MEGF9: variants seen among roughly 807,000 people sequenced by gnomAD.
The protein encoded by MEGF9 is multiple EGF like domains 9.
MEGF9 carries 6 observed loss-of-function variants against 46.8 expected under a neutral mutation model. The observed-to-expected ratio is 0.13, with a 90% CI of 0.07 to 0.25. MEGF9 has a LOEUF of 0.25. MEGF9 is among the 10% of genes least tolerant of loss of function. The pLI, the probability that MEGF9 is intolerant of heterozygous loss-of-function variation, is 1.00. For synonymous variants in MEGF9, 302 were observed against 330.7 expected, an observed-to-expected ratio of 0.91 and a Z score of 0.94; for missense variants, 683 against 792.4, an observed-to-expected ratio of 0.86 and a Z score of 1.66.
intron 4 of MEGF9, among the ~76,000 whole-genome samples, chr9:120,611,865 A>AGGAAGGGAG (rs572613293): frequency 7.3e-6 from 1 of 137,152 alleles, no homozygotes; most frequent in South Asian, 2.3e-4. Context: ...GGAAGGAAGA[A>AGGAAGGGAG]AGAGAGAGAG....
At chr9:120,670,245 C>T (rs1416486840) in intron 1 of MEGF9, among the ~76,000 whole-genome samples, 2 of 152,100 alleles carry the variant, frequency 1.3e-5, no homozygotes, top group African/African-American at 2.4e-5. Context: ...TACAGGCATA[C>T]ACCACTATGC....
At chr9:120,633,434 T>C (rs2043559074) in intron 2 of MEGF9, among the ~76,000 whole-genome samples, 1 of 152,176 alleles carries the variant, frequency 6.6e-6, no homozygotes, top group Non-Finnish European at 1.5e-5. Context: ...GTGGCATCAG[T>C]TGTAATGTCC....
At chr9:120,690,303 T>C (rs957631873) in intron 1 of MEGF9, among the ~76,000 whole-genome samples, 1 of 152,096 alleles carries the variant, frequency 6.6e-6, no homozygotes, top group Non-Finnish European at 1.5e-5. Flanking sequence ...CCTGACATAT[T>C]AAAACAACTT....
chr9:120,691,383 A>C (rs372637536), intron 1 of MEGF9: 10 of 438,928 alleles, frequency 2.3e-5, no homozygotes, highest in African/African-American at 4.2e-5. Flanking sequence ...AATTTTCCAC[A>C]ATACAAAAGT....
chr9:120,673,653 T>A (rs976211462), intron 1 of MEGF9, among the ~76,000 whole-genome samples: 3 of 151,440 alleles, frequency 2.0e-5, no homozygotes, highest in African/African-American at 4.9e-5. Flanking sequence ...AAACTTGACA[T>A]AAACCACACC....
At position 120,605,749 on chromosome 9, in the gene MEGF9, G is replaced by A. The variant is rs906556456; in HGVS notation, c.1358-108C>T. On this transcript the variant is annotated intron_variant, in intron 5 of 5. Transcript: ENST00000373930. This position sits in a 1 kb window ranked among gnomAD's most constrained non-coding sequence, Gnocchi z 4.0. ...GAATGTTGATGTAGGATGTTAACAT[G>A]ATATTCTGCTTTAAGGTAATGCAAG... The A allele has an allele frequency of 1.8e-5, 14 of 789,392 alleles. No homozygotes were observed. In the East Asian group the frequency reaches 3.7e-4, roughly 21 times the overall value. The allele number at this position is 789,392 out of a possible 1,614,324, so 48.9% of individuals were successfully genotyped here.
At chr9:120,643,696 GTTTCTTTTTTT>G (rs934578972) in intron 2 of MEGF9, among the ~76,000 whole-genome samples, 3 of 150,078 alleles carry the variant, frequency 2.0e-5, no homozygotes, top group African/African-American at 4.9e-5. Context: ...TTCCACTAAT[GTTTCTTTTTTT>G]TTTCTTTTTT....
At chr9:120,657,034 A>G (rs2043680546) in intron 2 of MEGF9, among the ~76,000 whole-genome samples, 1 of 152,262 alleles carries the variant, frequency 6.6e-6, no homozygotes, top group Non-Finnish European at 1.5e-5. Flanking sequence ...AGGCGTGGGT[A>G]AACTTTTTCC....
rs780539013 is a variant in MEGF9, at chr9:120,622,753, G to A, written c.806C>T (p.Ser269Phe). The change falls in exon 3 of 6, where the codon TCT becomes TTT. Residue 269 changes from serine to phenylalanine, a missense_variant and splice_region_variant. Ser to Phe is a radical substitution (Grantham distance 155). This residue lies in a region of MEGF9 where 313 missense variants were observed against 421.1 expected (regional missense o/e 0.74). Coordinates refer to ENST00000373930, the MANE Select transcript of MEGF9 (RefSeq NM_001080497.3). The stretch of plus-strand genomic sequence containing the variant: ...ACCCACTTTGCACTGGCATTTCCCA[G>A]AACTGCAAATAAAAGCAAAGACAAT... ...HGALSIPCNSSGKCQCKVGVI... is the reference protein window; with the variant it reads ...HGALSIPCNSFGKCQCKVGVI... The A allele has an allele frequency of 1.3e-4, 213 of 1,612,626 alleles. No homozygotes were observed. Among genetic ancestry groups the A allele is most frequent in the Non-Finnish European group, 1.7e-4 (203 of 1,179,432 alleles).
In MEGF9 at chr9:120,693,294, AG is replaced by A. The variant is rs58727916; in HGVS notation, c.601+20463del. ...GTTAACCAAAAAAAAAAAAAAAAAA[AG>A]AAGAAGAAGAAGAAGAAGAAAAAGG... is the stretch of plus-strand genomic sequence containing the variant. On this transcript the variant is annotated intron_variant, in intron 1 of 5. Transcript: ENST00000373930. Among the ~76,000 whole-genome samples the A allele has an allele frequency of 5.7e-3, 510 of 89,602 alleles. 2 individuals carry two copies. Among genetic ancestry groups the A allele is most frequent in the African/African-American group, 0.013 (356 of 27,238 alleles). 58.8% of individuals were successfully genotyped at this position (89,602 alleles called of 152,430 possible). A position where few individuals can be genotyped will look rare whatever the true frequency, so the allele number is the denominator to read the frequency against.
chr9:120,657,416 G>C (rs1408336490), intron 2 of MEGF9, among the ~76,000 whole-genome samples: 2 of 152,194 alleles, frequency 1.3e-5, no homozygotes, highest in Non-Finnish European at 2.9e-5. Flanking sequence ...ATAAATATCA[G>C]TATTACTGTT....
chr9:120,692,451 C>T (rs2043852927), intron 1 of MEGF9, among the ~76,000 whole-genome samples: 1 of 152,092 alleles, frequency 6.6e-6, no homozygotes, highest in South Asian at 2.1e-4. Flanking sequence ...ACAGTAAGTG[C>T]CCTCTAATTA....
chr9:120,637,789 T>TAAAAAAAAA (rs2043584784), intron 2 of MEGF9, among the ~76,000 whole-genome samples: 1 of 7,186 alleles, frequency 1.4e-4, no homozygotes, highest in African/African-American at 3.6e-4. Context: ...AGACTCTGTC[T>TAAAAAAAAA]CAAAAAAAAA....
At chr9:120,693,303 A>G (rs1372867329) in intron 1 of MEGF9, among the ~76,000 whole-genome samples, 1 of 151,064 alleles carries the variant, frequency 6.6e-6, no homozygotes, top group East Asian at 1.9e-4. Flanking sequence ...AAGAAGAAGA[A>G]GAAGAAGAAG....
At chr9:120,615,293 G>A (rs1304663888) in intron 3 of MEGF9, among the ~76,000 whole-genome samples, 2 of 146,552 alleles carry the variant, frequency 1.4e-5, no homozygotes, top group African/African-American at 5.1e-5. Context: ...GTGTGCATGT[G>A]TGTGTACACA....
intron 1 of MEGF9, among the ~76,000 whole-genome samples, chr9:120,689,230 A>G (rs572957145): frequency 6.6e-6 from 1 of 152,332 alleles, no homozygotes; most frequent in Non-Finnish European, 1.5e-5. Flanking sequence ...AAGAATGAGG[A>G]GGTATAGCTA....
chr9:120,691,077 C>A (rs1233277519), intron 1 of MEGF9, among the ~76,000 whole-genome samples: 1 of 152,044 alleles, frequency 6.6e-6, no homozygotes, highest in African/African-American at 2.4e-5. Flanking sequence ...TAATCTGTAT[C>A]CTACCCTATC....
At chr9:120,628,468 G>GT (rs1170322238) in intron 2 of MEGF9, among the ~76,000 whole-genome samples, 3,071 of 69,042 alleles carry the variant, frequency 0.044, 859 homozygotes, top group East Asian at 0.087. Context: ...TCTTGTCGTT[G>GT]TTTTTTTTTT....
At chr9:120,660,605 C>G (rs1232780467) in intron 1 of MEGF9, among the ~76,000 whole-genome samples, 1 of 152,108 alleles carries the variant, frequency 6.6e-6, no homozygotes, top group African/African-American at 2.4e-5. Context: ...TCAGACAGTT[C>G]TTTGGATAAA....
Sources: allele counts gnomAD v4.1 joint callset (sites outside exome capture counted in the v4.1 genomes callset), GRCh38; gene constraint gnomAD v4.1.1; regional missense constraint gnomAD v4.1.1; non-coding constraint Gnocchi (gnomAD v3.1); transcripts MANE v1.5; gene names NCBI Gene and HGNC (gene_info 2026-07-23, HGNC 2026-07-21).